EFCAB11: variants seen among roughly 807,000 people sequenced by gnomAD.
The protein encoded by EFCAB11 is EF-hand calcium-binding domain-containing protein 11.
Under a neutral mutation model 23.0 loss-of-function variants are expected in EFCAB11, and 14 were observed. The observed-to-expected ratio is 0.61, with a 90% CI of 0.40 to 0.95. The LOEUF is 0.95. Ranked by LOEUF, EFCAB11 falls within the 40% of genes least tolerant of loss-of-function variation. The pLI, the probability that EFCAB11 is intolerant of heterozygous loss-of-function variation, is 0.00. For missense variants in EFCAB11, 198 were observed against 195.8 expected, an observed-to-expected ratio of 1.01 and a Z score of -0.07; for synonymous variants, 65 against 66.6, an observed-to-expected ratio of 0.98 and a Z score of 0.11.
At chr14:89,811,939 TG>T (rs1386660609) in intron 5 of EFCAB11, among the ~76,000 whole-genome samples, 4 of 152,206 alleles carry the variant, frequency 2.6e-5, no homozygotes, top group Non-Finnish European at 5.9e-5. Context: ...ACAAAGAACA[TG>T]GACATTGGAA....
At chr14:89,810,651 G>A (rs1282305478) in intron 5 of EFCAB11, among the ~76,000 whole-genome samples, 1 of 151,550 alleles carries the variant, frequency 6.6e-6, no homozygotes, top group East Asian at 1.9e-4. Context: ...AGCTACTTAG[G>A]AGGCTGAGGC....
chr14:89,817,426 T>G (rs775158907), intron 5 of EFCAB11, among the ~76,000 whole-genome samples: 5 of 152,214 alleles, frequency 3.3e-5, no homozygotes, highest in South Asian at 2.1e-4. Context: ...AAGGCTGAGA[T>G]AGGAGGATCA....
chr14:89,871,363 G>A (rs1007490545), intron 5 of EFCAB11, among the ~76,000 whole-genome samples: 11 of 152,082 alleles, frequency 7.2e-5, no homozygotes, highest in African/African-American at 2.7e-4. Flanking sequence ...ACTATTATCT[G>A]AAAGAGGGTA....
At chr14:89,924,437 C>G (rs377702824) in intron 5 of EFCAB11, 2 of 1,353,170 alleles carry the variant, frequency 1.5e-6, no homozygotes, top group Middle Eastern at 2.4e-4. Context: ...CATCTCATGA[C>G]TGGGAAGCAA....
chr14:89,836,508 G>A, intron 5 of EFCAB11: 1 of 455,690 alleles, frequency 2.2e-6, no homozygotes, highest in East Asian at 7.0e-5. Flanking sequence ...GGGGCGGTGT[G>A]TCCACACAGT....
chr14:89,848,872 A>G (rs1162843348), intron 5 of EFCAB11: 2 of 152,252 alleles, frequency 1.3e-5, no homozygotes, highest in African/African-American at 4.8e-5. Context: ...GGTTGCTATG[A>G]GTCGAGATGG....
At chr14:89,938,829 A>G (rs1395148265) in intron 3 of EFCAB11, among the ~76,000 whole-genome samples, 20 of 152,016 alleles carry the variant, frequency 1.3e-4, no homozygotes, top group Non-Finnish European at 1.5e-4. Flanking sequence ...AGGCTGAGGC[A>G]GAAGAATCAC....
rs531580312 is a variant in EFCAB11, at chr14:89,857,280, C to G, written c.411-59956G>C. Among the ~76,000 whole-genome samples the G allele has an allele frequency of 5.6e-4, 86 of 152,354 alleles. 1 individual carries two copies. Among genetic ancestry groups the G allele is most frequent in the African/African-American group, 2.0e-3 (83 of 41,588 alleles). ...CTGGATTCAAAGACGCATTTCACAG[C>G]TCTGCCCTTTGGGCACTCCCAGTCA... On this transcript the variant is annotated intron_variant, in intron 5 of 5. Transcript: ENST00000316738.
chr14:89,925,674 C>T (rs1489067255), intron 5 of EFCAB11, among the ~76,000 whole-genome samples: 5 of 132,982 alleles, frequency 3.8e-5, no homozygotes, highest in African/African-American at 5.9e-5. Flanking sequence ...GAGATGGAGT[C>T]TTGCTCTGTC....
chr14:89,805,739 T>C (rs1885947133), intron 5 of EFCAB11, among the ~76,000 whole-genome samples: 1 of 152,118 alleles, frequency 6.6e-6, no homozygotes. Context: ...ATAAATTCCC[T>C]GTGTTGTTTA....
At chr14:89,863,497 C>T (rs1887993184) in intron 5 of EFCAB11, among the ~76,000 whole-genome samples, 1 of 152,246 alleles carries the variant, frequency 6.6e-6, no homozygotes, top group South Asian at 2.1e-4. Flanking sequence ...ACCCCAGCAA[C>T]TGCTCCCCCT....
At chr14:89,938,543 T>C (rs1044318364) in intron 3 of EFCAB11, among the ~76,000 whole-genome samples, 3 of 152,168 alleles carry the variant, frequency 2.0e-5, no homozygotes, top group Non-Finnish European at 2.9e-5. Flanking sequence ...CAGCTTACTA[T>C]GGATGTGTAG....
chr14:89,885,221 G>T (rs975826407), intron 5 of EFCAB11, among the ~76,000 whole-genome samples: 4 of 152,272 alleles, frequency 2.6e-5, no homozygotes, highest in African/African-American at 9.6e-5. Flanking sequence ...GATAAAATAT[G>T]TGTAAAACTT....
At chr14:89,829,463 G>A (rs1319435018) in intron 5 of EFCAB11, among the ~76,000 whole-genome samples, 2 of 152,314 alleles carry the variant, frequency 1.3e-5, no homozygotes, top group Non-Finnish European at 2.9e-5. Flanking sequence ...AATAGGCTGT[G>A]TTTGAGAAAG....
intron 5 of EFCAB11, among the ~76,000 whole-genome samples, chr14:89,887,327 A>G (rs1596428662): frequency 6.6e-6 from 1 of 152,212 alleles, no homozygotes; most frequent in East Asian, 1.9e-4. Context: ...CTACAAATGC[A>G]AAGATCTGAA....
At chr14:89,909,577 T>C (rs2140213420) in intron 5 of EFCAB11, among the ~76,000 whole-genome samples, 2 of 152,094 alleles carry the variant, frequency 1.3e-5, no homozygotes, top group South Asian at 4.2e-4. Flanking sequence ...CAAGACTCTG[T>C]CTCAAAAAAC....
rs372007196 is a variant in EFCAB11 at position 89,954,052 on chromosome 14, T to C, written c.76-51A>G. ...TAATGAGACAGAAATGGTTTATTTT[T>C]ATTACTAGTTTATTATACAGTTTGG... is the stretch of plus-strand genomic sequence containing the variant. On this transcript the variant is annotated intron_variant, in intron 1 of 5. Transcript: ENST00000316738. The C allele has an allele frequency of 2.5e-5, 37 of 1,496,344 alleles. No homozygotes were observed. In the African/African-American group the frequency reaches 2.8e-4, roughly 11 times the overall value. The allele number at this position is 1,496,344 out of a possible 1,614,324, so 92.7% of individuals were successfully genotyped here. A position where few individuals can be genotyped will look rare whatever the true frequency, so the allele number is the denominator to read the frequency against.
intron 5 of EFCAB11, among the ~76,000 whole-genome samples, chr14:89,834,636 G>A (rs1278845235): frequency 6.6e-6 from 1 of 152,194 alleles, no homozygotes; most frequent in Admixed American, 6.5e-5. Flanking sequence ...CAAAGAGCAT[G>A]CTTAGAAGGT....
chr14:89,834,479 C>T (rs1275606849), intron 5 of EFCAB11, among the ~76,000 whole-genome samples: 3 of 147,878 alleles, frequency 2.0e-5, no homozygotes, highest in Non-Finnish European at 4.5e-5. Context: ...TAATTTGATA[C>T]TGACTGAGCC....
Sources: allele counts gnomAD v4.1 joint callset (sites outside exome capture counted in the v4.1 genomes callset), GRCh38; gene constraint gnomAD v4.1.1; transcripts MANE v1.5; gene names NCBI Gene and HGNC (gene_info 2026-07-23, HGNC 2026-07-21).